Variants in TRIM14 observed in about 807,000 individuals in gnomAD.
The protein encoded by TRIM14 is tripartite motif containing 14, also known as tripartite motif-containing protein 14.
Under a neutral mutation model 44.5 loss-of-function variants are expected in TRIM14, and 28 were observed. The ratio of observed to expected loss-of-function variants is 0.63; its 90% CI spans 0.47 to 0.86. The LOEUF (loss-of-function observed/expected upper bound fraction) is 0.86, where lower values mean the gene tolerates loss of function less well. Among genes scored for constraint, TRIM14 ranks in the 40% least tolerant of loss-of-function variants. The pLI is 0.00. For synonymous variants in TRIM14, 299 were observed against 269.2 expected, an observed-to-expected ratio of 1.11 and a Z score of -1.08; for missense variants, 607 against 611.1, an observed-to-expected ratio of 0.99 and a Z score of 0.07.
chr9:98,119,213 C>G lies in TRIM14; in HGVS notation c.-25G>C, dbSNP rs886938715. 6 of 1,561,726 alleles carry G rather than the reference C, an allele frequency of 3.8e-6. No homozygotes were observed. The highest frequency in any genetic ancestry group is 1.8e-4 in the Middle Eastern group (1 of 5,604). On this transcript the variant is annotated 5_prime_UTR_variant, in exon 1 of 6. Transcript: ENST00000341469. ...TTCATCTCCACCTCCTCCGGCTCCC[C>G]GGGACACAGGGCGGGGCTCCCAAGG...
At chr9:98,101,987 G>A (rs1448716115) in intron 2 of TRIM14, among the ~76,000 whole-genome samples, 4 of 133,682 alleles carry the variant, frequency 3.0e-5, no homozygotes, top group African/African-American at 1.1e-4. Flanking sequence ...CAGCCTGGGC[G>A]ACAATGCAAG....
At chr9:98,078,053 C>T in intron 6 of TRIM14, 1 of 1,271,452 alleles carries the variant, frequency 7.9e-7, no homozygotes, top group South Asian at 1.6e-5. Context: ...CCTCTCTGTT[C>T]CCCCACAGGG....
Position 98,094,860 on chromosome 9 carries a change from G to C in TRIM14, c.700+7C>G. On this transcript the variant is annotated splice_region_variant and intron_variant, in intron 4 of 5. Coordinates refer to ENST00000341469, the MANE Select transcript of TRIM14 (RefSeq NM_014788.4). ...AAGGACACAAAGTTGGTCACTCGGC[G>C]ACTTACTTTCCTTAAGGCGAATGTC... is the stretch of plus-strand genomic sequence containing the variant. 1 of 1,612,812 alleles carries C rather than the reference G, an allele frequency of 6.2e-7. No homozygotes were observed. Among genetic ancestry groups the C allele is most frequent in the Non-Finnish European group, 8.5e-7 (1 of 1,179,202 alleles).
At chr9:98,104,981 C>T (rs2118541763) in intron 2 of TRIM14, among the ~76,000 whole-genome samples, 1 of 150,522 alleles carries the variant, frequency 6.6e-6, no homozygotes, top group East Asian at 1.9e-4. Flanking sequence ...CATGGGGACT[C>T]TTTAGACTCT....
chr9:98,075,307 T>G, intron 6 of TRIM14: 1 of 138,278 alleles, frequency 7.2e-6, no homozygotes, highest in African/African-American at 2.8e-5. Flanking sequence ...AAGAAAAAGA[T>G]GGAAGGGGAA....
intron 5 of TRIM14, among the ~76,000 whole-genome samples, chr9:98,089,308 C>T (rs1367228579): frequency 7.2e-5 from 11 of 152,082 alleles, no homozygotes; most frequent in Admixed American, 7.2e-4. Context: ...TCCCTAGTAA[C>T]TAGGATTACA....
At chr9:98,099,884 G>A in intron 3 of TRIM14, 47 bp downstream of exon 3, 1 of 1,525,506 alleles carries the variant, frequency 6.6e-7, no homozygotes, top group Non-Finnish European at 9.1e-7. Flanking sequence ...TTGAGATGAA[G>A]TGTGGGTGGC....
the TRIM14 span, among the ~76,000 whole-genome samples, chr9:98,055,743 AT>A: frequency 1.3e-5 from 2 of 151,892 alleles, no homozygotes; most frequent in Admixed American, 1.3e-4. Context: ...TAATTAATTA[AT>A]TTATTTATTT....
rs991902286 is a variant in TRIM14 at position 98,111,818 on chromosome 9, A to G, written c.208-1834T>C. ...CCAGGCATGGTGGCGCATGCCTGTA[A>G]TCCCAGCTACTCGGGAGGCTGAGGC... is the stretch of plus-strand genomic sequence containing the variant. On this transcript the variant is annotated intron_variant, in intron 1 of 5. Coordinates refer to ENST00000341469, the MANE Select transcript of TRIM14 (RefSeq NM_014788.4). Among the ~76,000 whole-genome samples, 6 of 152,066 alleles carry G rather than the reference A, an allele frequency of 3.9e-5. 1 individual carries two copies. The highest frequency in any genetic ancestry group is 3.9e-4 in the Admixed American group (6 of 15,258).
chr9:98,038,893 T>C, the TRIM14 span, among the ~76,000 whole-genome samples: 1 of 151,738 alleles, frequency 6.6e-6, no homozygotes, highest in African/African-American at 2.4e-5. Context: ...TACTAAAAAA[T>C]ACAAAAATTA....
chr9:98,075,830 CAATTA>C (rs1230241489), intron 6 of TRIM14: 10 of 152,076 alleles, frequency 6.6e-5, no homozygotes, highest in Admixed American at 6.5e-4. Context: ...TTTAGTATAT[CAATTA>C]CACCTTACTG....
chr9:98,109,928 G>A lies in TRIM14; in HGVS notation c.264C>T (p.Asp88=). 1 of 1,613,844 alleles carries A rather than the reference G, an allele frequency of 6.2e-7. No homozygotes were observed. ...TGGCATCTTCTATCTGGGTTATGTT[G>A]TCAATGTGCTGCTGCTTCTTGATTG... ...QLAIKKQQHI[D]NITQIEDATE... is the part of the protein sequence containing the mutation. Residue 88 remains aspartate, a synonymous_variant, in exon 2 of 6, where the codon GAC becomes GAT. Transcript: ENST00000341469.
At chr9:98,102,817 T>G (rs1198812091) in intron 2 of TRIM14, among the ~76,000 whole-genome samples, 1 of 151,982 alleles carries the variant, frequency 6.6e-6, no homozygotes, top group African/African-American at 2.4e-5. Context: ...TACTTTAAAA[T>G]GGTTAAAATG....
In TRIM14 at chr9:98,087,779, G is replaced by A; in HGVS notation, c.1020C>T (p.Ala340=). ...CCCCGCGGCGCCGAAGGGAGGCGTA[G>A]GCCGCGCCCACCCACCAGCCGGCGC... The part of the protein sequence containing the change: ...EAGAGWWVGA[A]YASLRRRGAS... The change falls in exon 6 of 6, where the codon GCC becomes GCT. Residue 340 remains alanine, a synonymous_variant. Coordinates refer to ENST00000341469, the MANE Select transcript of TRIM14 (RefSeq NM_014788.4). The A allele has an allele frequency of 6.6e-7, 1 of 1,508,752 alleles. No individual in the cohort carries two copies. The highest frequency in any genetic ancestry group is 1.4e-5 in the African/African-American group (1 of 69,588). The allele number at this position is 1,508,752 out of a possible 1,614,324, so 93.5% of individuals were successfully genotyped here.
chr9:98,045,171 C>T, the TRIM14 span, among the ~76,000 whole-genome samples: 3 of 152,092 alleles, frequency 2.0e-5, no homozygotes, highest in African/African-American at 2.4e-5. Context: ...AAACAACAGC[C>T]TCCTAAGACA....
At chr9:98,081,217 G>T, downstream of TRIM14, 2 of 1,208,008 alleles carry the variant, frequency 1.7e-6, no homozygotes, top group Non-Finnish European at 2.3e-6. Context: ...TCCCACCCGT[G>T]TCAGCTTCTT....
chr9:98,042,023 G>A, the TRIM14 span, among the ~76,000 whole-genome samples: 6 of 151,540 alleles, frequency 4.0e-5, no homozygotes, highest in African/African-American at 1.2e-4. Context: ...GGCCGGGCGC[G>A]GTGGCTCATG....
intron 1 of TRIM14, among the ~76,000 whole-genome samples, chr9:98,117,276 T>TTTTATTTATTTATTTA (rs55719181): frequency 6.8e-6 from 1 of 147,530 alleles, no homozygotes; most frequent in African/African-American, 2.5e-5. Context: ...AGATTCTCTG[T>TTTTATTTATTTATTTA]TTTATTTATT....
chr9:98,069,951 C>T (rs1290151695), intron 6 of TRIM14, among the ~76,000 whole-genome samples: 5 of 152,164 alleles, frequency 3.3e-5, no homozygotes, highest in Admixed American at 6.5e-5. Flanking sequence ...TTGTCAATGT[C>T]ATTCACCCAG....
Sources: gnomAD v4.1 joint callset for allele counts (sites outside exome capture counted in the v4.1 genomes callset) on GRCh38, gnomAD v4.1.1 for gene constraint, MANE v1.5 for transcripts, NCBI Gene and HGNC (gene_info 2026-07-23, HGNC 2026-07-21) for gene names.